EFS: variants seen among roughly 807,000 people sequenced by gnomAD.
The protein encoded by EFS is Cas scaffolding protein family member 3.
In EFS, 34 loss-of-function variants were observed where a neutral mutation model predicts 42.2. The observed-to-expected ratio is 0.81, with a 90% confidence interval of 0.61 to 1.07. The LOEUF is 1.07. EFS is among the 50% of genes least tolerant of loss of function. The pLI is 0.00. For synonymous variants in EFS, 299 were observed against 320.7 expected, an observed-to-expected ratio of 0.93 and a Z score of 0.72; for missense variants, 717 against 729.4, an observed-to-expected ratio of 0.98 and a Z score of 0.20.
chr14:23,358,790 C>T, intron 5 of EFS, 86 bp downstream of exon 5: 1 of 1,288,458 alleles, frequency 7.8e-7, no homozygotes, highest in South Asian at 1.5e-5. Flanking sequence ...CTATTTCCTT[C>T]CACGGTTGAT....
intron 2 of EFS, 111 bp downstream of exon 2, chr14:23,360,444 G>C: frequency 6.7e-7 from 1 of 1,491,728 alleles, no homozygotes; most frequent in Non-Finnish European, 8.9e-7. Flanking sequence ...GAGCAGTGAA[G>C]AGCTGTGGCC....
At chr14:23,360,491 G>T in intron 2 of EFS, 64 bp downstream of exon 2, 3 of 1,514,912 alleles carry the variant, frequency 2.0e-6, no homozygotes, top group South Asian at 1.3e-5. Context: ...CAGGCCCTGG[G>T]TGGGGCTAGT....
intron 1 of EFS, among the ~76,000 whole-genome samples, chr14:23,363,199 C>T (rs549639225): frequency 5.3e-5 from 8 of 152,064 alleles, no homozygotes; most frequent in Admixed American, 2.0e-4. Flanking sequence ...AGGTGTGAGC[C>T]ACTGCGCCCA....
intron 1 of EFS, among the ~76,000 whole-genome samples, chr14:23,362,906 T>C: frequency 6.9e-6 from 1 of 144,884 alleles, no homozygotes; most frequent in African/African-American, 2.7e-5. Flanking sequence ...TCCCTTTCTT[T>C]TTCTTTCTTT....
At position 23,356,949 on chromosome 14, in the gene EFS, A is replaced by C. The variant is rs1199348219; in HGVS notation, c.*277T>G. Reference sequence around the variant, plus strand: ...ACCTCCACCCTAGGCTGAGGAGAGAAGGATCTAGTTCCTCACTGCCCCAGA... The same window carrying C: ...ACCTCCACCCTAGGCTGAGGAGAGACGGATCTAGTTCCTCACTGCCCCAGA... On this transcript the variant is annotated 3_prime_UTR_variant, in exon 6 of 6. Transcript: ENST00000216733. 2 of 270,200 alleles carry C rather than the reference A, an allele frequency of 7.4e-6. No individual in the cohort carries two copies. Among genetic ancestry groups the C allele is most frequent in the African/African-American group, 4.4e-5 (2 of 45,682 alleles). The allele number at this position is 270,200 out of a possible 1,614,324, so 16.7% of individuals were successfully genotyped here.
Position 23,365,032 on chromosome 14 carries a change from G to C in EFS, c.-7C>G. 1 of 1,331,248 alleles carries C rather than the reference G, an allele frequency of 7.5e-7. No homozygotes were observed. Among genetic ancestry groups the C allele is most frequent in the Non-Finnish European group, 9.7e-7 (1 of 1,030,394 alleles). 82.5% of individuals were successfully genotyped at this position (1,331,248 alleles called of 1,614,324 possible). ...CCGACGTGGCAATGGCCATGGCTTTGGCCTCCCGCGCAGCCTGCCTCAGGC... is the reference window on the plus strand; with the variant it reads ...CCGACGTGGCAATGGCCATGGCTTTCGCCTCCCGCGCAGCCTGCCTCAGGC... On this transcript the variant is annotated 5_prime_UTR_variant, in exon 1 of 6. Coordinates refer to ENST00000216733, the MANE Select transcript of EFS (RefSeq NM_005864.4). The surrounding 1 kb of genome is among the most constrained non-coding windows in gnomAD (Gnocchi z 5.3).
In EFS at chr14:23,360,593, G is replaced by C; in HGVS notation, c.259C>G (p.Pro87Ala). 1 of 1,575,434 alleles carries C rather than the reference G, an allele frequency of 6.3e-7. No homozygotes were observed. The highest frequency in any genetic ancestry group is 8.6e-7 in the Non-Finnish European group (1 of 1,159,242). ...TTGCTGTGATCTGGGGCTGGATATGGTGAGCCAGGCTGGGCTGGGGACGCA... is the reference window on the plus strand; with the variant it reads ...TTGCTGTGATCTGGGGCTGGATATGCTGAGCCAGGCTGGGCTGGGGACGCA... ...SPASPAQPGS[P>A]YPAPDHSNED... The change falls in exon 2 of 6, where the codon CCA becomes GCA. Residue 87 changes from proline (P) to alanine (A), a missense_variant. Physicochemically the swap from Pro to Ala is conservative, Grantham distance 27. Coordinates refer to ENST00000216733, the MANE Select transcript of EFS (RefSeq NM_005864.4).
chr14:23,363,000 G>A (rs1167001839), intron 1 of EFS, among the ~76,000 whole-genome samples: 11 of 149,552 alleles, frequency 7.4e-5, no homozygotes, highest in South Asian at 2.1e-4. Flanking sequence ...TGCAAGCTCC[G>A]CCTCCCGGGT....
In EFS at chr14:23,357,107, C is replaced by G. The variant is rs901763045; in HGVS notation, c.*119G>C. On this transcript the variant is annotated 3_prime_UTR_variant, in exon 6 of 6. Coordinates refer to ENST00000216733, the MANE Select transcript of EFS (RefSeq NM_005864.4). Reference sequence around the variant, plus strand: ...GAGAGGTTGAGATGAGCAGAAAGGGCAGGAAAGGGGAAAGATACCCCCATT... The same window carrying G: ...GAGAGGTTGAGATGAGCAGAAAGGGGAGGAAAGGGGAAAGATACCCCCATT... 27 of 978,698 alleles carry G rather than the reference C, an allele frequency of 2.8e-5. No homozygotes were observed. The highest frequency in any genetic ancestry group is 3.9e-5 in the Non-Finnish European group (27 of 689,752). The allele number at this position is 978,698 out of a possible 1,614,324, so 60.6% of individuals were successfully genotyped here. A position where few individuals can be genotyped will look rare whatever the true frequency, so the allele number is the denominator to read the frequency against.
rs999987237 is a variant in EFS at position 23,365,078 on chromosome 14, T to C, written c.-53A>G. ...CAGGCCAGGCTCGGTTTTGCTGACT[T>C]CAGCGGTGGCTGCCCCGCACCATGG... On this transcript the variant is annotated 5_prime_UTR_variant, in exon 1 of 6. It removes the in-frame stop codon of an upstream open reading frame in the 5' UTR. Coordinates refer to ENST00000216733, the MANE Select transcript of EFS (RefSeq NM_005864.4). This position sits in a 1 kb window ranked among gnomAD's most constrained non-coding sequence, Gnocchi z 5.3. 2 of 1,270,706 alleles carry C rather than the reference T, an allele frequency of 1.6e-6. No homozygotes were observed. The highest frequency in any genetic ancestry group is 2.0e-6 in the Non-Finnish European group (2 of 998,840). 78.7% of individuals were successfully genotyped at this position (1,270,706 alleles called of 1,614,324 possible). A position where few individuals can be genotyped will look rare whatever the true frequency, so the allele number is the denominator to read the frequency against.
Position 23,359,645 on chromosome 14 carries a change from TC to T in EFS, c.832del (p.Asp278ThrfsTer109). 6.6e-7 allele frequency: 1 copy of T among 1,505,854 alleles called. No homozygotes were observed. Among genetic ancestry groups the T allele is most frequent in the Non-Finnish European group, 8.8e-7 (1 of 1,130,138 alleles). The allele number at this position is 1,505,854 out of a possible 1,614,324, so 93.3% of individuals were successfully genotyped here. A position where few individuals can be genotyped will look rare whatever the true frequency, so the allele number is the denominator to read the frequency against. On this transcript the variant is annotated frameshift_variant, in exon 4 of 6. Coordinates refer to ENST00000216733, the MANE Select transcript of EFS (RefSeq NM_005864.4). LOFTEE classifies it high-confidence loss of function. Reference protein sequence around the residue: ...PPGALASHDQDTLAQLLARSP... With the variant: ...PPGALASHDQXTLAQLLARSP... Reference sequence around the variant, plus strand: ...TCTGGCCAGAAGCTGGGCCAGGGTGTCCTGGTCATGGGAGGCCAAGGCTCCA... The same window carrying T: ...TCTGGCCAGAAGCTGGGCCAGGGTGTCTGGTCATGGGAGGCCAAGGCTCCA...
At position 23,357,495 on chromosome 14, in the gene EFS, G is replaced by A; in HGVS notation, c.1417C>T (p.His473Tyr). 1.2e-6 allele frequency: 2 copies of A among 1,614,018 alleles called. No homozygotes were observed. The highest frequency in any genetic ancestry group is 1.7e-6 in the Non-Finnish European group (2 of 1,180,006). The part of the protein sequence containing the change: ...ANQPPRLFVP[H>Y]SKRVVVAAHR... ...GCAGCCACCACCACCCTCTTGCTGT[G>A]GGGCACGAAAAGGCGCGGGGGCTGA... Residue 473 changes from histidine (H) to tyrosine (Y), a missense_variant, in exon 6 of 6, where the codon CAC becomes TAC. Coordinates refer to ENST00000216733, the MANE Select transcript of EFS (RefSeq NM_005864.4).
At chr14:23,359,028 C>G in intron 4 of EFS, 63 bp from the exon 5 acceptor site, 1 of 1,419,444 alleles carries the variant, frequency 7.0e-7, no homozygotes, top group African/African-American at 1.5e-5. Flanking sequence ...GCCTCTGTGG[C>G]CTTTCTGCCC....
In EFS at chr14:23,356,746, CT is replaced by C. The variant is rs1008355304; in HGVS notation, c.*479del. 6.6e-6 allele frequency: 1 copy of C among 152,466 alleles called. No homozygotes were observed. Among genetic ancestry groups the C allele is most frequent in the African/African-American group, 2.4e-5 (1 of 41,468 alleles). The allele number at this position is 152,466 out of a possible 1,614,324, so 9.4% of individuals were successfully genotyped here. A position where few individuals can be genotyped will look rare whatever the true frequency, so the allele number is the denominator to read the frequency against. On this transcript the variant is annotated 3_prime_UTR_variant, in exon 6 of 6. Transcript: ENST00000216733. ...CTTCTGTGGGGAGAAGCCCTCCGGT[CT>C]TTCCGAGAACCTTCAAACTCTGGAC...
At chr14:23,362,530 A>G (rs957445944) in intron 1 of EFS, among the ~76,000 whole-genome samples, 8 of 152,182 alleles carry the variant, frequency 5.3e-5, no homozygotes, top group African/African-American at 1.4e-4. Flanking sequence ...CAACTCATCA[A>G]ACCATTTTCT....
At chr14:23,358,739 G>T in intron 5 of EFS, 137 bp downstream of exon 5, 1 of 698,468 alleles carries the variant, frequency 1.4e-6, no homozygotes, top group South Asian at 3.0e-5. Flanking sequence ...ACTTGCCTCC[G>T]CTCTGTCCCT....
At chr14:23,360,066 G>A (rs1400303021) in intron 3 of EFS, 27 bp from the exon 4 acceptor site, 2 of 1,613,900 alleles carry the variant, frequency 1.2e-6, no homozygotes, top group African/African-American at 2.7e-5. Context: ...TCAGTCATCT[G>A]TCAGCTCAGC....
rs765727668 is a variant in EFS, at chr14:23,365,111, C to A, written c.-86G>T. The A allele has an allele frequency of 1.7e-6, 2 of 1,205,570 alleles. No homozygotes were observed. Among genetic ancestry groups the A allele is most frequent in the African/African-American group, 3.1e-5 (2 of 63,632 alleles). 74.7% of individuals were successfully genotyped at this position (1,205,570 alleles called of 1,614,324 possible). A position where few individuals can be genotyped will look rare whatever the true frequency, so the allele number is the denominator to read the frequency against. ...GGCTGCCCCGCACCATGGTCCGCGG[C>A]CTCTAGCCCCCAGCTGTGGCGCCTG... is the stretch of plus-strand genomic sequence containing the variant. On this transcript the variant is annotated 5_prime_UTR_variant, in exon 1 of 6. Coordinates refer to ENST00000216733, the MANE Select transcript of EFS (RefSeq NM_005864.4). The surrounding 1 kb of genome is among the most constrained non-coding windows in gnomAD (Gnocchi z 5.3).
chr14:23,360,204 G>A lies in EFS; in HGVS notation c.375C>T (p.Asp125=). ...TAGCTCTGGGGATTTTGTAGATGAG[G>A]TCAGGAGAGGGTGGGCAAGGTCCAG... ...PPAGPCPPSP[D]LIYKIPRASG... Residue 125 remains aspartate, a synonymous_variant, in exon 3 of 6, where the codon GAC becomes GAT. Coordinates refer to ENST00000216733, the MANE Select transcript of EFS (RefSeq NM_005864.4). 6.2e-7 allele frequency: 1 copy of A among 1,614,174 alleles called. No homozygotes were observed. Among genetic ancestry groups the A allele is most frequent in the Non-Finnish European group, 8.5e-7 (1 of 1,180,034 alleles).
Sources: gnomAD v4.1 joint callset for allele counts (sites outside exome capture counted in the v4.1 genomes callset) on GRCh38, gnomAD v4.1.1 for gene constraint, Gnocchi (gnomAD v3.1) non-coding constraint, MANE v1.5 for transcripts, NCBI Gene and HGNC (gene_info 2026-07-23, HGNC 2026-07-21) for gene names.